CCDC91: variants seen among roughly 807,000 people sequenced by gnomAD.
The protein encoded by CCDC91 is coiled-coil domain containing 91, also known as coiled-coil domain-containing protein 91.
In CCDC91, 48 loss-of-function variants were observed where a neutral mutation model predicts 63.2. That is an observed-to-expected ratio of 0.76 (90% CI 0.60 to 0.97). The LOEUF (loss-of-function observed/expected upper bound fraction) is 0.97, where lower values mean the gene tolerates loss of function less well. CCDC91 is among the 50% of genes least tolerant of loss of function. The pLI is 0.00. For synonymous variants in CCDC91, 167 were observed against 165.8 expected, an observed-to-expected ratio of 1.01 and a Z score of -0.06; for missense variants, 500 against 494.6, an observed-to-expected ratio of 1.01 and a Z score of -0.10.
rs187402278 is a variant in CCDC91 at position 28,396,766 on chromosome 12, A to G, written c.762+5355A>G. On this transcript the variant is annotated intron_variant, in intron 8 of 12. Coordinates refer to ENST00000536442, the MANE Select transcript of CCDC91 (RefSeq NM_018318.5). ...TATGTAATAGAATATATTTTTCTGT[A>G]TGGGGTCCAAATTTTTGGTTTTGGC... Among the ~76,000 whole-genome samples, 170 of 151,816 alleles carry G rather than the reference A, an allele frequency of 1.1e-3. 1 individual carries two copies. The highest frequency in any genetic ancestry group is 3.2e-3 in the African/African-American group (133 of 41,426).
At chr12:28,264,348 G>T (rs1021212030) in intron 3 of CCDC91, among the ~76,000 whole-genome samples, 7 of 149,984 alleles carry the variant, frequency 4.7e-5, no homozygotes, top group African/African-American at 1.5e-4. Flanking sequence ...TCATAGCACT[G>T]TATTTTATAA....
chr12:28,348,828 A>T (rs1942993094), intron 6 of CCDC91, among the ~76,000 whole-genome samples: 1 of 151,972 alleles, frequency 6.6e-6, no homozygotes, highest in African/African-American at 2.4e-5. Flanking sequence ...GGCTCAAGCG[A>T]TTCTCCCACT....
intron 3 of CCDC91, among the ~76,000 whole-genome samples, chr12:28,279,266 G>A (rs1168581972): frequency 1.3e-5 from 2 of 151,780 alleles, no homozygotes; most frequent in Admixed American, 6.6e-5. Flanking sequence ...TAGAATGTGA[G>A]CTTTAGGATT....
At chr12:28,313,397 A>G (rs1939519004) in intron 6 of CCDC91, among the ~76,000 whole-genome samples, 1 of 152,078 alleles carries the variant, frequency 6.6e-6, no homozygotes. Flanking sequence ...GCTATTTCTC[A>G]CCATGAAAAT....
intron 12 of CCDC91, among the ~76,000 whole-genome samples, chr12:28,503,998 A>G (rs1458961481): frequency 6.6e-6 from 1 of 152,036 alleles, no homozygotes; most frequent in Admixed American, 6.6e-5. Context: ...TGATGAGTTA[A>G]TGGGTACAGC....
At chr12:28,270,604 T>C (rs959958245) in intron 3 of CCDC91, among the ~76,000 whole-genome samples, 5 of 152,168 alleles carry the variant, frequency 3.3e-5, no homozygotes, top group Non-Finnish European at 5.9e-5. Context: ...GCTGATAGAA[T>C]TGTACATTAA....
chr12:28,445,328 A>T (rs1592695880), intron 8 of CCDC91, among the ~76,000 whole-genome samples: 1 of 152,132 alleles, frequency 6.6e-6, no homozygotes, highest in Admixed American at 6.6e-5. Flanking sequence ...CCCACAAAAA[A>T]CCCCAGATCA....
intron 12 of CCDC91, among the ~76,000 whole-genome samples, chr12:28,532,227 G>T (rs1190407985): frequency 2.0e-5 from 3 of 151,988 alleles, no homozygotes. Flanking sequence ...AAAGGTGATG[G>T]CCCACAAGGA....
At chr12:28,192,955 A>G (rs780914450) in intron 1 of CCDC91, among the ~76,000 whole-genome samples, 1 of 152,224 alleles carries the variant, frequency 6.6e-6, no homozygotes, top group Non-Finnish European at 1.5e-5. Flanking sequence ...GTCCCTGTCT[A>G]TAGCTTTGTC....
chr12:28,534,653 A>C (rs1326520861), intron 12 of CCDC91, among the ~76,000 whole-genome samples: 2 of 152,206 alleles, frequency 1.3e-5, no homozygotes, highest in African/African-American at 2.4e-5. Flanking sequence ...AGACTCAAAC[A>C]TGTCTTTTCT....
chr12:28,407,024 C>A (rs1277125650), intron 8 of CCDC91, among the ~76,000 whole-genome samples: 1 of 152,088 alleles, frequency 6.6e-6, no homozygotes, highest in African/African-American at 2.4e-5. Context: ...TTAGTACCAT[C>A]CCCTTGGTTC....
chr12:28,504,454 C>A (rs1485588604), intron 12 of CCDC91, among the ~76,000 whole-genome samples: 1 of 151,906 alleles, frequency 6.6e-6, no homozygotes, highest in Non-Finnish European at 1.5e-5. Context: ...GAGAACACTT[C>A]CCAGCATAGT....
At position 28,386,028 on chromosome 12, in the gene CCDC91, A is replaced by G. The variant is rs1257739; in HGVS notation, c.655-5276A>G. On this transcript the variant is annotated intron_variant, in intron 7 of 12. Coordinates refer to ENST00000536442, the MANE Select transcript of CCDC91 (RefSeq NM_018318.5). Reference sequence around the variant, plus strand: ...CCCAGAATTTATAGTCCTTCACACTATTTACTCACAGTTGAGCCCGTGGAG... The same window carrying G: ...CCCAGAATTTATAGTCCTTCACACTGTTTACTCACAGTTGAGCCCGTGGAG... Among the ~76,000 whole-genome samples, 1,207 of 152,274 alleles carry G rather than the reference A, an allele frequency of 7.9e-3. 14 individuals carry two copies. The highest frequency in any genetic ancestry group is 0.017 in the Admixed American group (260 of 15,296).
rs866265252 is a variant in CCDC91 at position 28,304,388 on chromosome 12, A to G, written c.110-1261A>G. Among the ~76,000 whole-genome samples the G allele has an allele frequency of 0.017, 594 of 35,874 alleles. 1 individual carries two copies. In the Middle Eastern group the frequency reaches 0.18, roughly 11 times the overall value. The allele number at this position is 35,874 out of a possible 152,430, so 23.5% of individuals were successfully genotyped here. ...TGAGACTCCGTCTAAAAAAAAAAAA[A>G]AAAAAAAAAAAAAGAAAAAAAAAAA... On this transcript the variant is annotated intron_variant, in intron 3 of 12. Coordinates refer to ENST00000536442, the MANE Select transcript of CCDC91 (RefSeq NM_018318.5).
At chr12:28,305,499 A>G in intron 3 of CCDC91, 150 bp from the exon 4 acceptor site, 2 of 674,602 alleles carry the variant, frequency 3.0e-6, no homozygotes, top group South Asian at 2.3e-5. Flanking sequence ...AGGAATAGTC[A>G]TAGAATCCTG....
At chr12:28,516,258 T>C (rs1000717477) in intron 12 of CCDC91, among the ~76,000 whole-genome samples, 1 of 151,926 alleles carries the variant, frequency 6.6e-6, no homozygotes, top group Non-Finnish European at 1.5e-5. Flanking sequence ...CTTGGTCTGT[T>C]TTGTGCTGCT....
chr12:28,497,059 A>C (rs1157750778), intron 12 of CCDC91, among the ~76,000 whole-genome samples: 2 of 150,548 alleles, frequency 1.3e-5, no homozygotes, highest in Admixed American at 1.3e-4. Context: ...TATGTTAGTT[A>C]TAGTACTTTT....
chr12:28,388,383 C>T (rs149395605), intron 7 of CCDC91, among the ~76,000 whole-genome samples: 753 of 152,200 alleles, frequency 4.9e-3, no homozygotes, highest in South Asian at 0.012. Flanking sequence ...CCAAAAAGCT[C>T]CTAGAACTGA....
rs1938029831 is a variant in CCDC91 at position 28,502,353 on chromosome 12, T to A, written c.1215+18188T>A. Among the ~76,000 whole-genome samples the A allele has an allele frequency of 3.3e-5, 5 of 151,940 alleles. No homozygotes were observed. The South Asian group carries it at 1.0e-3, about 32-fold the overall frequency. On this transcript the variant is annotated intron_variant, in intron 12 of 12. Transcript: ENST00000536442. ...CACAATTTCTTCAAAGAGAATAAAG[T>A]ACCTAGGAATCCAACTTACAAGGGA...
Sources: allele counts gnomAD v4.1 joint callset (sites outside exome capture counted in the v4.1 genomes callset), GRCh38; gene constraint gnomAD v4.1.1; transcripts MANE v1.5; gene names NCBI Gene and HGNC (gene_info 2026-07-23, HGNC 2026-07-21).